The following PALS1 variants were observed in gnomAD, a reference collection of about 807,000 sequenced individuals.
The protein encoded by PALS1 is protein PALS1.
A neutral mutation model predicts 78.9 loss-of-function variants in PALS1; 31 were observed. That is an observed-to-expected ratio of 0.39 (90% CI 0.30 to 0.53). The LOEUF (loss-of-function observed/expected upper bound fraction) is 0.53. Among genes scored for constraint, PALS1 ranks in the 20% least tolerant of loss-of-function variants. The probability of loss-of-function intolerance (pLI) is 0.67; values close to 1 mark genes in which losing one functional copy is unlikely to be tolerated. For synonymous variants in PALS1, 276 were observed against 270.9 expected, an observed-to-expected ratio of 1.02 and a Z score of -0.18; for missense variants, 704 against 826.5, an observed-to-expected ratio of 0.85 and a Z score of 1.82.
intron 4 of PALS1, among the ~76,000 whole-genome samples, chr14:67,298,698 G>A (rs2084893269): frequency 6.6e-6 from 1 of 152,154 alleles, no homozygotes; most frequent in Non-Finnish European, 1.5e-5. Flanking sequence ...TAAAATGAGT[G>A]TGTTTTATTG....
At chr14:67,327,589 G>A (rs537951215) in intron 14 of PALS1, among the ~76,000 whole-genome samples, 3 of 151,860 alleles carry the variant, frequency 2.0e-5, no homozygotes, top group South Asian at 2.1e-4. Context: ...TGCTGCACCC[G>A]TTAACTCGTC....
intron 1 of PALS1, among the ~76,000 whole-genome samples, chr14:67,264,170 A>G (rs183368691): frequency 1.3e-5 from 2 of 152,304 alleles, no homozygotes; most frequent in Admixed American, 6.5e-5. Flanking sequence ...TAGAATGTTT[A>G]TTTTAAAGTG....
intron 3 of PALS1, among the ~76,000 whole-genome samples, chr14:67,289,595 CG>C (rs1368276877): frequency 1.3e-5 from 2 of 151,636 alleles, no homozygotes; most frequent in East Asian, 3.9e-4. Flanking sequence ...TGATTTGGGG[CG>C]GGAAAGATAG....
At chr14:67,251,295 G>A (rs1364330012) in intron 1 of PALS1, among the ~76,000 whole-genome samples, 1 of 152,208 alleles carries the variant, frequency 6.6e-6, no homozygotes, top group Non-Finnish European at 1.5e-5. Flanking sequence ...GTATTTTGGA[G>A]GCCGAGGCAG....
At chr14:67,282,176 T>C (rs2084616313) in intron 3 of PALS1, among the ~76,000 whole-genome samples, 1 of 152,184 alleles carries the variant, frequency 6.6e-6, no homozygotes, top group Admixed American at 6.5e-5. Context: ...TTGTTTAAAG[T>C]GAAGTGTAAT....
At chr14:67,288,473 C>A (rs1566551084) in intron 3 of PALS1, among the ~76,000 whole-genome samples, 1 of 152,262 alleles carries the variant, frequency 6.6e-6, no homozygotes, top group South Asian at 2.1e-4. Context: ...AGGAAGATTT[C>A]TTGACGCCAG....
chr14:67,317,263 G>A, intron 10 of PALS1, 145 bp from the exon 11 acceptor site: 1 of 661,182 alleles, frequency 1.5e-6, no homozygotes, highest in Non-Finnish European at 2.5e-6. Context: ...AGGAGTTCAA[G>A]ACAAGCGTGG....
At chr14:67,317,510 T>A in intron 11 of PALS1, 31 bp downstream of exon 11, 2 of 1,505,662 alleles carry the variant, frequency 1.3e-6, no homozygotes, top group Middle Eastern at 1.8e-4. Context: ...TAGGTGGAAT[T>A]ATATCTGAAA....
chr14:67,299,349 T>C (rs1016653017), intron 4 of PALS1, among the ~76,000 whole-genome samples: 1 of 144,424 alleles, frequency 6.9e-6, no homozygotes, highest in Non-Finnish European at 1.5e-5. Flanking sequence ...GTAGGAAGGA[T>C]ATATACCAAA....
chr14:67,264,038 A>T (rs147865044), intron 1 of PALS1, among the ~76,000 whole-genome samples: 125 of 152,242 alleles, frequency 8.2e-4, no homozygotes, highest in African/African-American at 2.7e-3. Flanking sequence ...AGCACCTGGG[A>T]CTACAGGTGC....
intron 2 of PALS1, among the ~76,000 whole-genome samples, chr14:67,273,807 C>T (rs558607409): frequency 2.0e-3 from 312 of 152,222 alleles, no homozygotes; most frequent in African/African-American, 7.0e-3. Flanking sequence ...TTTTAATGAT[C>T]GCCATTCTAA....
chr14:67,303,862 G>C (rs1414598541), intron 8 of PALS1, among the ~76,000 whole-genome samples: 1 of 152,028 alleles, frequency 6.6e-6, no homozygotes, highest in Non-Finnish European at 1.5e-5. Flanking sequence ...ATGCCTTCCA[G>C]GTTCAAATGA....
chr14:67,315,866 G>A (rs1464695467), intron 9 of PALS1, among the ~76,000 whole-genome samples: 3 of 152,186 alleles, frequency 2.0e-5, no homozygotes, highest in Non-Finnish European at 4.4e-5. Context: ...CGGAGGTTGC[G>A]GTGAGCCAAG....
At chr14:67,301,768 C>T (rs1271101026) in intron 5 of PALS1, among the ~76,000 whole-genome samples, 4 of 151,912 alleles carry the variant, frequency 2.6e-5, no homozygotes, top group Non-Finnish European at 5.9e-5. Flanking sequence ...TGTTATCTTC[C>T]GAAGTTTAGT....
intron 1 of PALS1, among the ~76,000 whole-genome samples, chr14:67,267,439 T>G (rs1274604397): frequency 6.6e-6 from 1 of 151,904 alleles, no homozygotes; most frequent in Non-Finnish European, 1.5e-5. Context: ...TTAGTAGAGA[T>G]GGGGGTTCAT....
intron 11 of PALS1, among the ~76,000 whole-genome samples, chr14:67,318,931 G>A (rs2085219477): frequency 6.6e-6 from 1 of 152,090 alleles, no homozygotes; most frequent in African/African-American, 2.4e-5. Flanking sequence ...GATGGCGGGT[G>A]CCTGTAGTCC....
chr14:67,316,779 T>G, intron 9 of PALS1, 53 bp from the exon 10 acceptor site: 1 of 1,464,676 alleles, frequency 6.8e-7, no homozygotes, highest in Non-Finnish European at 9.3e-7. Flanking sequence ...AAAAAAAAAT[T>G]CTTATCCTTT....
At position 67,246,965 on chromosome 14, in the gene PALS1, A is replaced by G. The variant is rs2083997693; in HGVS notation, c.-237+5432A>G. Among the ~76,000 whole-genome samples the G allele has an allele frequency of 3.3e-5, 5 of 152,170 alleles. No individual in the cohort carries two copies. The South Asian group carries it at 1.0e-3, about 32-fold the overall frequency. On this transcript the variant is annotated intron_variant, in intron 1 of 14. Transcript: ENST00000261681. ...GCACCCAGCCTACTATAGCTTTAAA[A>G]TAAGTCTTCACATTAGGTAATGTGA...
intron 14 of PALS1, among the ~76,000 whole-genome samples, chr14:67,328,228 G>A (rs1182665173): frequency 6.6e-6 from 1 of 152,150 alleles, no homozygotes; most frequent in Non-Finnish European, 1.5e-5. Flanking sequence ...TTCTCTGATG[G>A]CCAGTGATGA....
Sources: allele counts gnomAD v4.1 joint callset (sites outside exome capture counted in the v4.1 genomes callset), GRCh38; gene constraint gnomAD v4.1.1; transcripts MANE v1.5; gene names NCBI Gene and HGNC (gene_info 2026-07-23, HGNC 2026-07-21).